The following ING1 variants were observed in gnomAD, a reference collection of about 807,000 sequenced individuals.
ING1 encodes inhibitor of growth protein 1.
A neutral mutation model predicts 23.1 loss-of-function variants in ING1; 4 were observed. The observed-to-expected ratio is 0.17, with a 90% CI of 0.09 to 0.40. The LOEUF is 0.40. ING1 is among the 10% of genes least tolerant of loss of function. ING1 has a pLI of 1.00. For missense variants in ING1, 256 were observed against 393.8 expected (o/e 0.65, Z 2.96); for synonymous variants, 179 against 166.4 (o/e 1.08, Z -0.58).
chr13:110,715,856 G>T (rs756434139), intron 1 of ING1: 1 of 1,595,798 alleles, frequency 6.3e-7, no homozygotes, highest in East Asian at 2.2e-5. Flanking sequence ...TTCGGGCGCG[G>T]ATTTATAGCA....
At chr13:110,712,991 G>C (rs753089318), upstream of ING1, 29 of 1,548,492 alleles carry the variant, frequency 1.9e-5, no homozygotes, top group Non-Finnish European at 2.5e-5. Context: ...GGTCTCCCGC[G>C]CACTCTGCGG....
In ING1 at chr13:110,719,059, G is replaced by A. The variant is rs1223879175; in HGVS notation, c.137-170G>A. Among the ~76,000 whole-genome samples, 1 of 151,484 alleles carries A rather than the reference G, an allele frequency of 6.6e-6. No individual in the cohort carries two copies. Among genetic ancestry groups the A allele is most frequent in the Admixed American group, 6.6e-5 (1 of 15,258 alleles). On this transcript the variant is annotated intron_variant, in intron 1 of 1. Transcript: ENST00000333219. The surrounding 1 kb of genome is among the most constrained non-coding windows in gnomAD (Gnocchi z 8.9). ...GTTGTGTTGTGTTGTGTTGTGGTTA[G>A]CACAGGAACAGATAGGCCCGGGAGA...
chr13:110,719,145 A>G lies in ING1; in HGVS notation c.137-84A>G. 1 of 1,359,128 alleles carries G rather than the reference A, an allele frequency of 7.4e-7. No individual in the cohort carries two copies. Among genetic ancestry groups the G allele is most frequent in the Non-Finnish European group, 1.0e-6 (1 of 979,928 alleles). 84.2% of individuals were successfully genotyped at this position (1,359,128 alleles called of 1,614,324 possible). A position where few individuals can be genotyped will look rare whatever the true frequency, so the allele number is the denominator to read the frequency against. On this transcript the variant is annotated intron_variant, in intron 1 of 1. Transcript: ENST00000333219. This position sits in a 1 kb window ranked among gnomAD's most constrained non-coding sequence, Gnocchi z 8.9. ...TGCGCTGGCCCCTAGGCTCCCTGCC[A>G]GCCCTCTCCGTAGACCCGTCCGGGG...
intron 1 of ING1, among the ~76,000 whole-genome samples, chr13:110,717,665 T>C (rs2064135615): frequency 6.6e-6 from 1 of 152,148 alleles, no homozygotes; most frequent in Non-Finnish European, 1.5e-5. Context: ...CTGTCTCTAC[T>C]GAAAATACAG....
At chr13:110,712,763 G>A, upstream of ING1, 1 of 706,486 alleles carries the variant, frequency 1.4e-6, no homozygotes, top group Non-Finnish European at 2.6e-6. Flanking sequence ...CATGACACAG[G>A]GCGGGAAGAG....
chr13:110,718,365 G>A (rs946310421), intron 1 of ING1, among the ~76,000 whole-genome samples: 1 of 152,196 alleles, frequency 6.6e-6, no homozygotes, highest in Non-Finnish European at 1.5e-5. Context: ...GCAGTGAGCC[G>A]AGATTGCACC....
At chr13:110,713,065 G>C, upstream of ING1, 1 of 1,454,274 alleles carries the variant, frequency 6.9e-7, no homozygotes, top group Non-Finnish European at 9.1e-7. Flanking sequence ...GCCCGTGCCC[G>C]GCCCTCCCCT....
At chr13:110,713,322 G>GT (rs2064060441), upstream of ING1, 1 of 1,150,896 alleles carries the variant, frequency 8.7e-7, no homozygotes, top group Non-Finnish European at 1.1e-6. Context: ...GGAGGTTTCT[G>GT]TCCCGCGGCC....
At chr13:110,716,876 C>T (rs1350289792) in intron 1 of ING1, among the ~76,000 whole-genome samples, 4 of 152,100 alleles carry the variant, frequency 2.6e-5, no homozygotes, top group Non-Finnish European at 5.9e-5. Flanking sequence ...TGGTGTTGTT[C>T]CTGTTTATAA....
intron 1 of ING1, chr13:110,715,363 G>C (rs935608527): frequency 3.1e-5 from 46 of 1,490,600 alleles, no homozygotes; most frequent in Non-Finnish European, 3.9e-5. Context: ...TATCCGAGAC[G>C]TAGCTTCGCA....
In ING1 at chr13:110,721,185, C is replaced by G. The variant is rs538575685; in HGVS notation, c.*1253C>G. 2 of 160,856 alleles carry G rather than the reference C, an allele frequency of 1.2e-5. No individual in the cohort carries two copies. The highest frequency in any genetic ancestry group is 1.9e-4 in the East Asian group (1 of 5,196). 10.0% of individuals were successfully genotyped at this position (160,856 alleles called of 1,614,324 possible). On this transcript the variant is annotated 3_prime_UTR_variant, in exon 2 of 2. Transcript: ENST00000333219. ...CAAGCCAAAACTATTTTCTGGCCCTCTGCAGAAAGGGTTTGCTGACCTCTG... is the reference window on the plus strand; with the variant it reads ...CAAGCCAAAACTATTTTCTGGCCCTGTGCAGAAAGGGTTTGCTGACCTCTG...
At chr13:110,712,892 G>A, upstream of ING1, 1 of 1,463,876 alleles carries the variant, frequency 6.8e-7, no homozygotes, top group Non-Finnish European at 9.3e-7. Flanking sequence ...AGTACCGGGA[G>A]ACGACACAAA....
At chr13:110,716,501 G>A (rs563723026) in intron 1 of ING1, among the ~76,000 whole-genome samples, 1 of 152,244 alleles carries the variant, frequency 6.6e-6, no homozygotes, top group Non-Finnish European at 1.5e-5. Context: ...TGCTTAGTAG[G>A]CATCAGTTGT....
At position 110,719,528 on chromosome 13, in the gene ING1, A is replaced by G; in HGVS notation, c.436A>G (p.Asn146Asp). ...GEAAAQADKP[N>D]SKRSRRQRNN... is the part of the protein sequence containing the mutation. ...GGCGGCAGCGCAGGCTGACAAGCCCAACAGCAAGCGCTCACGGCGGCAGCG... is the reference window on the plus strand; with the variant it reads ...GGCGGCAGCGCAGGCTGACAAGCCCGACAGCAAGCGCTCACGGCGGCAGCG... Residue 146 changes from asparagine to aspartate, a missense_variant, in exon 2 of 2, where the codon AAC becomes GAC. Physicochemically the swap from Asn to Asp is conservative, Grantham distance 23. This residue lies in a region of ING1 where 209 missense variants were observed against 273.8 expected (regional missense o/e 0.76). Transcript: ENST00000333219. The surrounding 1 kb of genome is among the most constrained non-coding windows in gnomAD (Gnocchi z 8.9). The G allele has an allele frequency of 6.2e-7, 1 of 1,611,212 alleles. No homozygotes were observed. The highest frequency in any genetic ancestry group is 8.5e-7 in the Non-Finnish European group (1 of 1,178,934).
chr13:110,719,214 CCTT>C lies in ING1; in HGVS notation c.137-11_137-9del, dbSNP rs1458415155. 1.2e-6 allele frequency: 2 copies of C among 1,612,322 alleles called. No homozygotes were observed. Among genetic ancestry groups the C allele is most frequent in the Non-Finnish European group, 1.7e-6 (2 of 1,179,326 alleles). ...TGTCCTGCTCGCGAGTGACGCCTGT[CCTT>C]CTTGCCCCCAGAGATCCTGAAGGAG... On this transcript the variant is annotated splice_polypyrimidine_tract_variant and intron_variant, in intron 1 of 1. Coordinates refer to ENST00000333219, the MANE Select transcript of ING1 (RefSeq NM_198219.3). The surrounding 1 kb of genome is among the most constrained non-coding windows in gnomAD (Gnocchi z 8.9).
In ING1 at chr13:110,713,700, G is replaced by A; in HGVS notation, c.-450G>A. The stretch of plus-strand genomic sequence containing the variant: ...TCCCAAGTGTTTGAAACTGGTATTT[G>A]GGTTTTCCACGTTGGACAAGTGCGG... On this transcript the variant is annotated 5_prime_UTR_variant, in exon 1 of 2. Coordinates refer to ENST00000333219, the MANE Select transcript of ING1 (RefSeq NM_198219.3). 1.0e-6 allele frequency: 1 copy of A among 985,358 alleles called. No homozygotes were observed. Among genetic ancestry groups the A allele is most frequent in the African/African-American group, 1.7e-5 (1 of 57,326 alleles). The allele number at this position is 985,358 out of a possible 1,614,324, so 61.0% of individuals were successfully genotyped here.
At chr13:110,713,611 G>A, upstream of ING1, 2 of 985,670 alleles carry the variant, frequency 2.0e-6, no homozygotes, top group Non-Finnish European at 2.4e-6. Flanking sequence ...TGCGGCGGGG[G>A]GCGGGGCCGT....
chr13:110,713,804 C>T lies in ING1; in HGVS notation c.-346C>T. On this transcript the variant is annotated 5_prime_UTR_variant, in exon 1 of 2. Transcript: ENST00000333219. ...CTACCCAGCCCAGTGGGCGAGTGGGCAGCGGCGGCCGCGGCGCTGGGCCCT... is the reference window on the plus strand; with the variant it reads ...CTACCCAGCCCAGTGGGCGAGTGGGTAGCGGCGGCCGCGGCGCTGGGCCCT... 1.0e-6 allele frequency: 1 copy of T among 984,232 alleles called. No homozygotes were observed. The highest frequency in any genetic ancestry group is 1.7e-5 in the African/African-American group (1 of 57,248). The allele number at this position is 984,232 out of a possible 1,614,324, so 61.0% of individuals were successfully genotyped here. A position where few individuals can be genotyped will look rare whatever the true frequency, so the allele number is the denominator to read the frequency against.
intron 1 of ING1, among the ~76,000 whole-genome samples, chr13:110,714,664 G>A (rs2064087444): frequency 6.6e-6 from 1 of 152,198 alleles, no homozygotes; most frequent in African/African-American, 2.4e-5. Flanking sequence ...GGGCTATAGG[G>A]CGCCGAGACG....
Sources: gnomAD v4.1 joint callset for allele counts (sites outside exome capture counted in the v4.1 genomes callset) on GRCh38, gnomAD v4.1.1 for gene constraint, gnomAD v4.1.1 regional missense constraint, Gnocchi (gnomAD v3.1) non-coding constraint, MANE v1.5 for transcripts, NCBI Gene and HGNC (gene_info 2026-07-23, HGNC 2026-07-21) for gene names.